Variants in TMCO4 observed in about 807,000 individuals in gnomAD.
TMCO4 encodes transmembrane and coiled-coil domains 4.
TMCO4 carries 58 observed loss-of-function variants against 64.7 expected under a neutral mutation model. That is an observed-to-expected ratio of 0.90 (90% CI 0.73 to 1.12). TMCO4 has a LOEUF of 1.12. Among genes scored for constraint, TMCO4 ranks in the 50% most tolerant of loss-of-function variants. The pLI, the probability that TMCO4 is intolerant of heterozygous loss-of-function variation, is 0.00. For missense variants in TMCO4, 780 were observed against 825.9 expected (o/e 0.94, Z 0.68); for synonymous variants, 325 against 346.1 (o/e 0.94, Z 0.68).
rs1257743900 is a variant in TMCO4 at position 19,763,295 on chromosome 1, C to T, written c.382+7247G>A. Among the ~76,000 whole-genome samples, 5 of 152,096 alleles carry T rather than the reference C, an allele frequency of 3.3e-5. No individual in the cohort carries two copies. The East Asian group carries it at 9.6e-4, about 29-fold the overall frequency. ...TTCACCATGTTGCCCAGGCTGGTCTCGAACTCCTGACCTCAAGTGATCTGC... is the reference window on the plus strand; with the variant it reads ...TTCACCATGTTGCCCAGGCTGGTCTTGAACTCCTGACCTCAAGTGATCTGC... On this transcript the variant is annotated intron_variant, in intron 6 of 15. Coordinates refer to ENST00000294543, the MANE Select transcript of TMCO4 (RefSeq NM_181719.7).
At chr1:19,794,519 T>C (rs552748991) in intron 2 of TMCO4, among the ~76,000 whole-genome samples, 138 of 152,282 alleles carry the variant, frequency 9.1e-4, no homozygotes, top group African/African-American at 3.2e-3. Context: ...AATAGTCCAT[T>C]TGACCCACTG....
intron 2 of TMCO4, among the ~76,000 whole-genome samples, chr1:19,792,538 C>T (rs1427748652): frequency 6.6e-6 from 1 of 152,152 alleles, no homozygotes. Context: ...ATAAACAATA[C>T]CATTGGATTT....
intron 3 of TMCO4, among the ~76,000 whole-genome samples, chr1:19,781,887 C>T (rs1457099942): frequency 6.6e-6 from 1 of 152,238 alleles, no homozygotes; most frequent in Non-Finnish European, 1.5e-5. Flanking sequence ...ACCTCGTGAT[C>T]CGCCCGCCTT....
At chr1:19,712,036 A>G (rs561106834) in intron 13 of TMCO4, among the ~76,000 whole-genome samples, 30 of 152,132 alleles carry the variant, frequency 2.0e-4, no homozygotes, top group African/African-American at 5.5e-4. Context: ...GGCTCAAGCA[A>G]TCCTCCCACC....
At chr1:19,713,477 G>A (rs1338098781) in intron 13 of TMCO4, among the ~76,000 whole-genome samples, 8 of 152,152 alleles carry the variant, frequency 5.3e-5, no homozygotes, top group Non-Finnish European at 1.2e-4. Flanking sequence ...GTGGTTTTGG[G>A]AGTCCTGGGC....
intron 4 of TMCO4, among the ~76,000 whole-genome samples, chr1:19,777,848 A>G (rs1266447): frequency 0.59 from 89,352 of 152,018 alleles, 27,113 homozygotes; most frequent in African/African-American, 0.75. Context: ...AGGCCAGCCC[A>G]GGCAGCATTG....
chr1:19,760,912 C>T (rs756149877), intron 6 of TMCO4, among the ~76,000 whole-genome samples: 55 of 152,204 alleles, frequency 3.6e-4, no homozygotes, highest in Non-Finnish European at 7.2e-4. Context: ...GATCCAAATG[C>T]AGGGGACAGT....
At chr1:19,790,681 G>A (rs1245736115) in intron 2 of TMCO4, among the ~76,000 whole-genome samples, 2 of 152,324 alleles carry the variant, frequency 1.3e-5, no homozygotes, top group Admixed American at 6.5e-5. Flanking sequence ...AGGCTGCAGA[G>A]AAATAGGAAC....
At chr1:19,706,424 C>T (rs143288806) in intron 13 of TMCO4, among the ~76,000 whole-genome samples, 4 of 152,316 alleles carry the variant, frequency 2.6e-5, no homozygotes, top group East Asian at 1.9e-4. Context: ...TTATTCCTAC[C>T]GCTACCATCA....
At chr1:19,708,695 A>C (rs1321196227) in intron 13 of TMCO4, among the ~76,000 whole-genome samples, 1 of 152,050 alleles carries the variant, frequency 6.6e-6, no homozygotes, top group Non-Finnish European at 1.5e-5. Context: ...ACCCTCACAG[A>C]GCTTTCTGTT....
intron 13 of TMCO4, among the ~76,000 whole-genome samples, chr1:19,708,377 G>T (rs1480977196): frequency 1.3e-5 from 2 of 148,956 alleles, no homozygotes; most frequent in East Asian, 3.9e-4. Flanking sequence ...AATTATCTTA[G>T]CTTTTTAAAA....
intron 13 of TMCO4, among the ~76,000 whole-genome samples, chr1:19,715,706 G>A (rs1312031097): frequency 6.6e-6 from 1 of 152,218 alleles, no homozygotes; most frequent in African/African-American, 2.4e-5. Flanking sequence ...GGCTGGGATT[G>A]GAGGAGGGAT....
chr1:19,786,686 A>G (rs540810141), intron 3 of TMCO4, among the ~76,000 whole-genome samples: 2 of 152,240 alleles, frequency 1.3e-5, no homozygotes, highest in South Asian at 2.1e-4. Context: ...ATGAGGGTGC[A>G]TGGAACCTCT....
chr1:19,735,819 C>T (rs2095451552), intron 13 of TMCO4, among the ~76,000 whole-genome samples: 1 of 152,118 alleles, frequency 6.6e-6, no homozygotes, highest in African/African-American at 2.4e-5. Flanking sequence ...CTCTAGGTAA[C>T]GAGCCTGGCA....
At chr1:19,798,982 A>T (rs970632990) in intron 1 of TMCO4, among the ~76,000 whole-genome samples, 7 of 152,280 alleles carry the variant, frequency 4.6e-5, no homozygotes, top group African/African-American at 1.7e-4. Flanking sequence ...GTTAGGTAGT[A>T]GTCTGGGATT....
rs2095113488 is a variant in TMCO4, at chr1:19,682,923, T to C, written c.*117A>G. The C allele has an allele frequency of 6.9e-6, 9 of 1,312,016 alleles. No homozygotes were observed. Among genetic ancestry groups the C allele is most frequent in the Non-Finnish European group, 9.5e-6 (9 of 947,880 alleles). 81.3% of individuals were successfully genotyped at this position (1,312,016 alleles called of 1,614,324 possible). ...TCCCTTTCAGTTCCAATTCCTTCCA[T>C]TTAGGAAAGAGGCCTGTGGAAATCC... On this transcript the variant is annotated 3_prime_UTR_variant, in exon 16 of 16. Transcript: ENST00000294543.
In TMCO4 at chr1:19,771,385, C is replaced by A; in HGVS notation, c.277G>T (p.Gly93Cys). The A allele has an allele frequency of 6.2e-7, 1 of 1,614,168 alleles. No individual in the cohort carries two copies. The highest frequency in any genetic ancestry group is 8.5e-7 in the Non-Finnish European group (1 of 1,180,030). The change falls in exon 5 of 16, where the codon GGT becomes TGT. Residue 93 changes from glycine (G) to cysteine (C), a missense_variant. Transcript: ENST00000294543. ...TGAACAAACACATCTGCTCCTTCACCTCCCAGGCCGCTCGCAAAAGCAGTC... is the reference window on the plus strand; with the variant it reads ...TGAACAAACACATCTGCTCCTTCACATCCCAGGCCGCTCGCAAAAGCAGTC... The part of the protein sequence containing the change: ...TMTAFASGLG[G>C]EGADVFVQIL...
chr1:19,709,293 G>A (rs890666138), intron 13 of TMCO4, among the ~76,000 whole-genome samples: 1 of 152,052 alleles, frequency 6.6e-6, no homozygotes, highest in Non-Finnish European at 1.5e-5. Context: ...CGGCGGGGGG[G>A]GGGGACCCTA....
Position 19,683,430 on chromosome 1 carries a change from C to T in TMCO4, c.1515G>A (p.Leu505=), listed in dbSNP as rs1322944729. The change falls in exon 16 of 16, where the codon CTG becomes CTA. Residue 505 remains leucine (L), a synonymous_variant. Coordinates refer to ENST00000294543, the MANE Select transcript of TMCO4 (RefSeq NM_181719.7). ...TGGCATCCATCTGCTTGGCATAGTC[C>T]AGGTGGCCGCTGACCTGCAGGAGAC... The part of the protein sequence containing the change: ...VDLTSVVSGH[L]DYAKQMDAIL... The T allele has an allele frequency of 6.2e-7, 1 of 1,612,706 alleles. No individual in the cohort carries two copies. The highest frequency in any genetic ancestry group is 1.3e-5 in the African/African-American group (1 of 74,928).
Sources: allele counts gnomAD v4.1 joint callset (sites outside exome capture counted in the v4.1 genomes callset), GRCh38; gene constraint gnomAD v4.1.1; transcripts MANE v1.5; gene names NCBI Gene and HGNC (gene_info 2026-07-23, HGNC 2026-07-21).